Variants in NBEA observed in about 807,000 individuals in gnomAD.
The protein encoded by NBEA is neurobeachin, also known as lysosomal-trafficking regulator 2.
Under a neutral mutation model 343.4 loss-of-function variants are expected in NBEA, and 44 were observed. The observed-to-expected ratio is 0.13, with a 90% CI of 0.10 to 0.16. The LOEUF is 0.16. Ranked by LOEUF, NBEA falls within the 10% of genes least tolerant of loss-of-function variation. The pLI is 1.00. For missense variants in NBEA, 2,555 were observed against 3,631.3 expected (o/e 0.70, Z 7.62); for synonymous variants, 1,175 against 1,238.7 (o/e 0.95, Z 1.08).
chr13:35,219,654 G>A (rs1393266051), intron 33 of NBEA, among the ~76,000 whole-genome samples: 5 of 152,118 alleles, frequency 3.3e-5, no homozygotes, highest in Non-Finnish European at 7.4e-5. Flanking sequence ...GAGAACCAAT[G>A]TGTAGTTCTA....
At chr13:35,170,986 T>C in intron 25 of NBEA, 1 of 455,376 alleles carries the variant, frequency 2.2e-6, no homozygotes, top group Non-Finnish European at 4.2e-6. Flanking sequence ...TAAATATCTT[T>C]GTGAAATGAT....
chr13:35,472,360 A>G (rs754185710), intron 40 of NBEA, 40 bp from the exon 41 acceptor site: 254 of 1,597,754 alleles, frequency 1.6e-4, no homozygotes, highest in Non-Finnish European at 2.1e-4. Flanking sequence ...AGGAAGGGCC[A>G]CAGGGGCTCA....
Position 34,943,057 on chromosome 13 carries a change from A to C in NBEA, c.237A>C (p.Gly79=), listed in dbSNP as rs754520920. ...NIRMKFAVLI[G]LIQVGEVSNR... ...GGATGAAATTCGCAGTGTTGATTGG[A>C]CTCATACAGGTCGGAGAGGTCAGCA... Residue 79 remains glycine, a synonymous_variant, in exon 1 of 59, where the codon GGA becomes GGC. Transcript: ENST00000379939. The C allele has an allele frequency of 3.7e-6, 6 of 1,613,404 alleles. No homozygotes were observed. The South Asian group carries it at 6.6e-5, about 18-fold the overall frequency.
intron 1 of NBEA, among the ~76,000 whole-genome samples, chr13:35,029,175 G>A (rs935432366): frequency 1.3e-5 from 2 of 151,232 alleles, no homozygotes; most frequent in African/African-American, 4.8e-5. Context: ...ATAACATTAT[G>A]TGTTATATAT....
At chr13:35,001,015 T>A (rs2061118450) in intron 1 of NBEA, among the ~76,000 whole-genome samples, 1 of 152,064 alleles carries the variant, frequency 6.6e-6, no homozygotes, top group Non-Finnish European at 1.5e-5. Flanking sequence ...TTTCTGAGGT[T>A]GAACTTGAAC....
At chr13:35,458,758 A>G (rs2046725410) in intron 40 of NBEA, among the ~76,000 whole-genome samples, 1 of 152,188 alleles carries the variant, frequency 6.6e-6, no homozygotes, top group Non-Finnish European at 1.5e-5. Context: ...TAAACGTGTC[A>G]TTTTAACTAA....
At chr13:35,355,855 T>C (rs1185568113) in intron 38 of NBEA, among the ~76,000 whole-genome samples, 2 of 152,098 alleles carry the variant, frequency 1.3e-5, no homozygotes, top group East Asian at 3.9e-4. Context: ...CCACTCTGTC[T>C]AAAATTTTAC....
intron 55 of NBEA, among the ~76,000 whole-genome samples, chr13:35,663,488 T>C (rs2085202730): frequency 6.6e-6 from 1 of 152,192 alleles, no homozygotes; most frequent in Non-Finnish European, 1.5e-5. Context: ...TATGTAAATA[T>C]ATCTCATTTT....
intron 17 of NBEA, among the ~76,000 whole-genome samples, chr13:35,124,553 T>C (rs1343304113): frequency 6.0e-5 from 9 of 149,832 alleles, no homozygotes; most frequent in African/African-American, 1.5e-4. Context: ...GATATATATA[T>C]ACATACACAT....
chr13:35,319,692 G>A (rs981302606), intron 36 of NBEA, among the ~76,000 whole-genome samples: 1 of 152,164 alleles, frequency 6.6e-6, no homozygotes, highest in African/African-American at 2.4e-5. Context: ...ACAGTGGGGT[G>A]TTAAAGTCTC....
intron 47 of NBEA, among the ~76,000 whole-genome samples, chr13:35,601,774 A>AG (rs2082061844): frequency 2.0e-5 from 1 of 48,878 alleles, no homozygotes; most frequent in Non-Finnish European, 5.5e-5. Context: ...AAAAAAAAAA[A>AG]AAAAAAAAAA....
At chr13:35,448,052 G>A (rs1675958812) in intron 39 of NBEA, among the ~76,000 whole-genome samples, 1 of 152,174 alleles carries the variant, frequency 6.6e-6, no homozygotes, top group South Asian at 2.1e-4. Flanking sequence ...GTTTGGTGCA[G>A]TACCATGAAA....
intron 48 of NBEA, among the ~76,000 whole-genome samples, chr13:35,618,139 A>G (rs2082818569): frequency 6.6e-6 from 1 of 152,222 alleles, no homozygotes; most frequent in South Asian, 2.1e-4. Context: ...TAATGAGCCT[A>G]AAGTATAAAA....
intron 33 of NBEA, among the ~76,000 whole-genome samples, chr13:35,231,176 T>C (rs2074951544): frequency 6.6e-6 from 1 of 152,070 alleles, no homozygotes; most frequent in African/African-American, 2.4e-5. Flanking sequence ...TTGACACGGG[T>C]AAGAGGAGAC....
chr13:35,012,928 G>A (rs1177056834), intron 1 of NBEA, among the ~76,000 whole-genome samples: 3 of 152,136 alleles, frequency 2.0e-5, no homozygotes, highest in African/African-American at 7.2e-5. Flanking sequence ...ACTAGAGTTC[G>A]AGAATTGAAT....
intron 47 of NBEA, among the ~76,000 whole-genome samples, chr13:35,603,558 C>T (rs1201726074): frequency 6.6e-6 from 1 of 151,992 alleles, no homozygotes; most frequent in African/African-American, 2.4e-5. Context: ...TTATAGAGTG[C>T]CAAGATGGTA....
At chr13:35,103,885 A>G (rs1196752848) in intron 11 of NBEA, among the ~76,000 whole-genome samples, 3 of 151,786 alleles carry the variant, frequency 2.0e-5, no homozygotes, top group East Asian at 1.9e-4. Flanking sequence ...ATGTCAGTTG[A>G]TATCATCTTA....
chr13:35,625,293 T>C (rs2083172861), intron 48 of NBEA, among the ~76,000 whole-genome samples: 2 of 152,096 alleles, frequency 1.3e-5, no homozygotes, highest in African/African-American at 4.8e-5. Context: ...ATTTGCAGTG[T>C]TTCAAACCAA....
intron 37 of NBEA, among the ~76,000 whole-genome samples, chr13:35,350,420 A>G (rs911080958): frequency 1.3e-5 from 2 of 152,006 alleles, no homozygotes; most frequent in Admixed American, 6.6e-5. Flanking sequence ...TAGGCTGTGT[A>G]TCTGTTTTTG....
Sources: allele counts gnomAD v4.1 joint callset (sites outside exome capture counted in the v4.1 genomes callset), GRCh38; gene constraint gnomAD v4.1.1; transcripts MANE v1.5; gene names NCBI Gene and HGNC (gene_info 2026-07-23, HGNC 2026-07-21).